SH2B1: variants seen among roughly 807,000 people sequenced by gnomAD.
SH2B1 encodes the protein SH2B adaptor protein 1, also known as SH2B adapter protein 1.
SH2B1 carries 15 observed loss-of-function variants against 62.6 expected under a neutral mutation model. The observed-to-expected ratio is 0.24, with a 90% confidence interval of 0.16 to 0.37. SH2B1 has a LOEUF of 0.37. Ranked by LOEUF, SH2B1 falls within the 10% of genes least tolerant of loss-of-function variation. The pLI is 1.00. For synonymous variants in SH2B1, 443 were observed against 438.0 expected, an observed-to-expected ratio of 1.01 and a Z score of -0.14; for missense variants, 925 against 1,015.6, an observed-to-expected ratio of 0.91 and a Z score of 1.21.
At chr16:28,867,560 G>A (rs1423787445) in intron 2 of SH2B1, 128 bp downstream of exon 2, 4 of 695,092 alleles carry the variant, frequency 5.8e-6, no homozygotes, top group African/African-American at 5.3e-5. Flanking sequence ...GTGTGTCCCT[G>A]GGGCTGCAGC....
intron 4 of SH2B1, among the ~76,000 whole-genome samples, chr16:28,869,659 G>T (rs1039887358): frequency 6.6e-6 from 1 of 152,106 alleles, no homozygotes; most frequent in Admixed American, 6.5e-5. Flanking sequence ...GCCAGCCACC[G>T]CTCTGGCTGG....
In SH2B1 at chr16:28,869,066, G is replaced by T. The variant is rs1962888381; in HGVS notation, c.1102G>T (p.Val368Leu). The T allele has an allele frequency of 6.2e-7, 1 of 1,614,042 alleles. No homozygotes were observed. The highest frequency in any genetic ancestry group is 1.7e-5 in the Admixed American group (1 of 59,996). ...TVDAQHVKAW[V>L]SDIQECLSPG... is the part of the protein sequence containing the mutation. ...GGATGCCCAGCATGTGAAGGCCTGG[G>T]TGTCTGACATCCAAGAATGCCTGAG... The change falls in exon 3 of 8, where the codon GTG becomes TTG. Residue 368 changes from valine (V) to leucine (L), a missense_variant. Around this residue, in one of 3 missense-constraint regions of SH2B1, gnomAD observed 683 missense variants for 704.0 expected, o/e 0.97. Coordinates refer to ENST00000684370, the MANE Select transcript of SH2B1 (RefSeq NM_001387430.1).
intron 1 of SH2B1, among the ~76,000 whole-genome samples, chr16:28,857,734 C>T (rs1479011254): frequency 3.2e-5 from 4 of 125,518 alleles, no homozygotes; most frequent in South Asian, 2.9e-4. Context: ...TTTCAGTGTC[C>T]GGAGTTCTTT....
In SH2B1 at chr16:28,865,973, G is replaced by A; in HGVS notation, c.-122G>A. 4.7e-6 allele frequency: 7 copies of A among 1,485,068 alleles called. No individual in the cohort carries two copies. Among genetic ancestry groups the A allele is most frequent in the Non-Finnish European group, 6.2e-6 (7 of 1,126,616 alleles). The allele number at this position is 1,485,068 out of a possible 1,614,324, so 92.0% of individuals were successfully genotyped here. Reference sequence around the variant, plus strand: ...GGATGCAGCCTCCGGTGCGCCCTCAGCAGTGACCCTCGTGTGTGCCTCTCT... The same window carrying A: ...GGATGCAGCCTCCGGTGCGCCCTCAACAGTGACCCTCGTGTGTGCCTCTCT... On this transcript the variant is annotated 5_prime_UTR_variant, in exon 1 of 8. Coordinates refer to ENST00000684370, the MANE Select transcript of SH2B1 (RefSeq NM_001387430.1).
In SH2B1 at chr16:28,866,470, T is replaced by C. The variant is rs759234355; in HGVS notation, c.376T>C (p.Ser126Pro). The change falls in exon 1 of 8, where the codon TCT becomes CCT. Residue 126 changes from serine to proline, a missense_variant. Physicochemically the swap from Ser to Pro is moderately conservative, Grantham distance 74. Around this residue, in one of 3 missense-constraint regions of SH2B1, gnomAD observed 683 missense variants for 704.0 expected, o/e 0.97. Coordinates refer to ENST00000684370, the MANE Select transcript of SH2B1 (RefSeq NM_001387430.1). This position sits in a 1 kb window ranked among gnomAD's most constrained non-coding sequence, Gnocchi z 6.3. ...PLAVLGPSRSSEDLAGPLPSS... is the reference protein window; with the variant it reads ...PLAVLGPSRSPEDLAGPLPSS... Reference sequence around the variant, plus strand: ...GGCTGTGCTGGGCCCTTCTCGATCATCTGAGGACCTGGCCGGCCCCCTCCC... The same window carrying C: ...GGCTGTGCTGGGCCCTTCTCGATCACCTGAGGACCTGGCCGGCCCCCTCCC... The C allele has an allele frequency of 1.9e-6, 3 of 1,613,906 alleles. No individual in the cohort carries two copies. Among genetic ancestry groups the C allele is most frequent in the African/African-American group, 2.7e-5 (2 of 74,900 alleles).
chr16:28,851,778 A>T lies in SH2B1; in HGVS notation c.-301+4951A>T, dbSNP rs565614559. On this transcript the variant is annotated intron_variant, in intron 1 of 10. Transcript: ENST00000322610. The stretch of plus-strand genomic sequence containing the variant: ...GCGCCTGGCCTTTTTTAAAAAAAAT[A>T]CATATATTGGCCAGGCATGGTGCCT... 5.9e-4 allele frequency among the ~76,000 whole-genome samples: 88 copies of T among 150,414 alleles called. 1 individual carries two copies. Among genetic ancestry groups the T allele is most frequent in the East Asian group, 3.8e-3 (19 of 4,982 alleles).
intron 1 of SH2B1, among the ~76,000 whole-genome samples, chr16:28,856,110 C>CAAA (rs56267263): frequency 0.028 from 3,832 of 134,906 alleles, 113 homozygotes; most frequent in East Asian, 0.15. Flanking sequence ...ACTAAAAATA[C>CAAA]AAAAAAAAAA....
chr16:28,861,671 T>A (rs914754041), upstream of SH2B1: 3 of 151,992 alleles, frequency 2.0e-5, no homozygotes, highest in African/African-American at 7.3e-5. Context: ...CCTGACCTCA[T>A]GATCCGCCTG....
intron 1 of SH2B1, among the ~76,000 whole-genome samples, chr16:28,852,602 T>TTATATATATACACATATA (rs1962167807): frequency 2.4e-5 from 1 of 41,054 alleles, no homozygotes; most frequent in Non-Finnish European, 3.7e-5. Context: ...ACATATATAT[T>TTATATATATACACATATA]TATATATATA....
At chr16:28,856,277 A>C (rs1279207320) in intron 1 of SH2B1, among the ~76,000 whole-genome samples, 1 of 151,298 alleles carries the variant, frequency 6.6e-6, no homozygotes, top group Non-Finnish European at 1.5e-5. Flanking sequence ...CATCTCAAAA[A>C]AAAAAAAAAA....
At chr16:28,851,960 A>G (rs1962108061) in intron 1 of SH2B1, among the ~76,000 whole-genome samples, 2 of 149,318 alleles carry the variant, frequency 1.3e-5, no homozygotes, top group South Asian at 2.1e-4. Context: ...CCAGCTACTC[A>G]GGAGGCTGAG....
chr16:28,871,003 G>A (rs1369356594), intron 4 of SH2B1, among the ~76,000 whole-genome samples: 1 of 149,088 alleles, frequency 6.7e-6, no homozygotes, highest in African/African-American at 2.5e-5. Flanking sequence ...CCGTGTGTGT[G>A]TGTGTGTGTG....
chr16:28,863,644 C>T, upstream of SH2B1: 1 of 1,524,472 alleles, frequency 6.6e-7, no homozygotes, highest in Non-Finnish European at 8.8e-7. Context: ...GCACTTCCCC[C>T]GCTGCGTCTG....
Position 28,866,233 on chromosome 16 carries a change from C to G in SH2B1, c.139C>G (p.Leu47Val). ...TCTGGACTTTGCCCGCCGTTTTCGCCTCTACCTGGCCTCCCACCCCCAATA... is the reference window on the plus strand; with the variant it reads ...TCTGGACTTTGCCCGCCGTTTTCGCGTCTACCTGGCCTCCCACCCCCAATA... ...AALDFARRFR[L>V]YLASHPQYAG... The change falls in exon 1 of 8, where the codon CTC becomes GTC. Residue 47 changes from leucine (L) to valine (V), a missense_variant. Transcript: ENST00000684370. This position sits in a 1 kb window ranked among gnomAD's most constrained non-coding sequence, Gnocchi z 6.3. The G allele has an allele frequency of 6.2e-7, 1 of 1,610,898 alleles. No individual in the cohort carries two copies. Among genetic ancestry groups the G allele is most frequent in the Middle Eastern group, 1.7e-4 (1 of 6,052 alleles).
Position 28,852,285 on chromosome 16 carries a change from TTTACA to T in SH2B1, c.-301+5460_-301+5464del, listed in dbSNP as rs1263028213. 1.7e-4 allele frequency among the ~76,000 whole-genome samples: 16 copies of T among 92,890 alleles called. 1 individual carries two copies. Among genetic ancestry groups the T allele is most frequent in the South Asian group, 3.3e-4 (1 of 2,998 alleles). 60.9% of individuals were successfully genotyped at this position (92,890 alleles called of 152,430 possible). A position where few individuals can be genotyped will look rare whatever the true frequency, so the allele number is the denominator to read the frequency against. On this transcript the variant is annotated intron_variant, in intron 1 of 10. Coordinates refer to the SH2B1 transcript ENST00000322610. Reference sequence around the variant, plus strand: ...ACATATATATATTTACATATATATATTTACATATATATATTTACATATATATATTT... The same window carrying T: ...ACATATATATATTTACATATATATATTATATATATTTACATATATATATTT...
chr16:28,862,914 G>A (rs1357473262), upstream of SH2B1: 1 of 150,182 alleles, frequency 6.7e-6, no homozygotes, highest in East Asian at 2.0e-4. Context: ...CAGCGCTCCC[G>A]GCCCTGACCT....
At chr16:28,863,732 C>A (rs560160453), upstream of SH2B1, 159 of 1,535,712 alleles carry the variant, frequency 1.0e-4, 2 homozygotes, top group East Asian at 2.4e-3. Flanking sequence ...CTGGGGTCGG[C>A]GCCGAGTGGG....
rs761623169 is a variant in SH2B1 at position 28,866,198 on chromosome 16, G to A, written c.104G>A (p.Arg35Gln). Residue 35 changes from arginine to glutamine, a missense_variant, in exon 1 of 8, where the codon CGG becomes CAG. Physicochemically the swap from Arg to Gln is conservative, Grantham distance 43. Around this residue, in one of 3 missense-constraint regions of SH2B1, gnomAD observed 683 missense variants for 704.0 expected, o/e 0.97. Coordinates refer to ENST00000684370, the MANE Select transcript of SH2B1 (RefSeq NM_001387430.1). This position sits in a 1 kb window ranked among gnomAD's most constrained non-coding sequence, Gnocchi z 6.3. Reference protein sequence around the residue: ...SWREFCESHARAAALDFARRF... With the variant: ...SWREFCESHAQAAALDFARRF... ...CGGGAGTTCTGTGAGTCCCACGCCCGGGCTGCGGCTCTGGACTTTGCCCGC... is the reference window on the plus strand; with the variant it reads ...CGGGAGTTCTGTGAGTCCCACGCCCAGGCTGCGGCTCTGGACTTTGCCCGC... 6 of 1,422,072 alleles carry A rather than the reference G, an allele frequency of 4.2e-6. No individual in the cohort carries two copies. The highest frequency in any genetic ancestry group is 5.6e-6 in the Non-Finnish European group (6 of 1,064,644). The allele number at this position is 1,422,072 out of a possible 1,614,324, so 88.1% of individuals were successfully genotyped here.
upstream of SH2B1, chr16:28,863,736 G>A (rs774407221): frequency 2.6e-6 from 4 of 1,535,644 alleles, no homozygotes; most frequent in Non-Finnish European, 3.5e-6. Flanking sequence ...GGTCGGCGCC[G>A]AGTGGGAGGA....
Sources: gnomAD v4.1 joint callset for allele counts (sites outside exome capture counted in the v4.1 genomes callset) on GRCh38, gnomAD v4.1.1 for gene constraint, gnomAD v4.1.1 regional missense constraint, Gnocchi (gnomAD v3.1) non-coding constraint, MANE v1.5 for transcripts, NCBI Gene and HGNC (gene_info 2026-07-23, HGNC 2026-07-21) for gene names.